Variants in SLC24A2 observed in about 807,000 individuals in gnomAD.
The protein encoded by SLC24A2 is solute carrier family 24 member 2.
SLC24A2 carries 36 observed loss-of-function variants against 62.0 expected under a neutral mutation model. The observed-to-expected ratio is 0.58, with a 90% CI of 0.44 to 0.77. The LOEUF is 0.77. SLC24A2 is among the 30% of genes least tolerant of loss of function. The pLI is 0.00. For missense variants in SLC24A2, 846 were observed against 817.9 expected (o/e 1.03, Z -0.42); for synonymous variants, 358 against 294.0 (o/e 1.22, Z -2.23).
rs547801449 is a variant in SLC24A2, at chr9:19,709,503, C to T, written c.930+76434G>A. Reference sequence around the variant, plus strand: ...CACAATAGCAAAGACTTGGAACCAACCCAAATGTCCAACAACGATAGACTG... The same window carrying T: ...CACAATAGCAAAGACTTGGAACCAATCCAAATGTCCAACAACGATAGACTG... On this transcript the variant is annotated intron_variant, in intron 2 of 10. Transcript: ENST00000341998. 2.6e-5 allele frequency among the ~76,000 whole-genome samples: 4 copies of T among 152,098 alleles called. No homozygotes were observed. The East Asian group carries it at 7.7e-4, about 29-fold the overall frequency.
the SLC24A2 span, among the ~76,000 whole-genome samples, chr9:19,794,212 A>G: frequency 1.3e-5 from 2 of 152,180 alleles, no homozygotes; most frequent in Non-Finnish European, 2.9e-5. Context: ...TTATTTTTAC[A>G]TTAGGAACGG....
At chr9:19,897,485 T>A in the SLC24A2 span, among the ~76,000 whole-genome samples, 1 of 152,156 alleles carries the variant, frequency 6.6e-6, no homozygotes, top group East Asian at 1.9e-4. Context: ...TAGATGTATA[T>A]GTCAATATAT....
chr9:19,887,431 A>G, the SLC24A2 span, among the ~76,000 whole-genome samples: 1 of 152,180 alleles, frequency 6.6e-6, no homozygotes, highest in African/African-American at 2.4e-5. Flanking sequence ...ATGCAAATGG[A>G]CAACAAACAT....
chr9:19,897,829 T>C, the SLC24A2 span, among the ~76,000 whole-genome samples: 1 of 152,210 alleles, frequency 6.6e-6, no homozygotes, highest in Non-Finnish European at 1.5e-5. Context: ...GAAATCCAAA[T>C]CTTTACGATA....
At chr9:19,534,714 C>A (rs200337814) in intron 8 of SLC24A2, among the ~76,000 whole-genome samples, 3 of 152,116 alleles carry the variant, frequency 2.0e-5, no homozygotes, top group Non-Finnish European at 4.4e-5. Flanking sequence ...CTGCATAATA[C>A]TCCATGGTGT....
chr9:19,985,837 G>A, the SLC24A2 span, among the ~76,000 whole-genome samples: 1 of 152,070 alleles, frequency 6.6e-6, no homozygotes, highest in East Asian at 1.9e-4. Flanking sequence ...GGGAAAATAG[G>A]GGTAAATCTT....
At chr9:20,208,677 A>G in the SLC24A2 span, among the ~76,000 whole-genome samples, 1 of 152,234 alleles carries the variant, frequency 6.6e-6, no homozygotes, top group Non-Finnish European at 1.5e-5. Context: ...AATAAAGGAA[A>G]AAATAGCCCA....
chr9:19,719,581 A>G (rs547204521), intron 2 of SLC24A2, among the ~76,000 whole-genome samples: 1 of 152,310 alleles, frequency 6.6e-6, no homozygotes, highest in African/African-American at 2.4e-5. Flanking sequence ...GGGCCCAGAA[A>G]GTTGAGATGC....
At chr9:20,270,127 G>A in the SLC24A2 span, among the ~76,000 whole-genome samples, 5 of 152,250 alleles carry the variant, frequency 3.3e-5, no homozygotes, top group Admixed American at 6.5e-5. Context: ...ATCCAGTCTT[G>A]TCAGAGAGCG....
At chr9:20,276,127 T>C in the SLC24A2 span, among the ~76,000 whole-genome samples, 1 of 152,092 alleles carries the variant, frequency 6.6e-6, no homozygotes, top group Admixed American at 6.6e-5. Flanking sequence ...TCCCCCAAAG[T>C]CTTAACTCAT....
chr9:20,012,618 G>A, the SLC24A2 span, among the ~76,000 whole-genome samples: 1 of 152,086 alleles, frequency 6.6e-6, no homozygotes, highest in African/African-American at 2.4e-5. Flanking sequence ...ATGATGACAT[G>A]ATCTTATATA....
chr9:20,210,869 G>A, the SLC24A2 span, among the ~76,000 whole-genome samples: 17 of 151,390 alleles, frequency 1.1e-4, no homozygotes, highest in African/African-American at 4.1e-4. Flanking sequence ...AGAGGGGAGA[G>A]GAAGAGAAAT....
At chr9:19,848,228 G>A in the SLC24A2 span, among the ~76,000 whole-genome samples, 3 of 152,116 alleles carry the variant, frequency 2.0e-5, no homozygotes, top group Non-Finnish European at 2.9e-5. Flanking sequence ...TTTCTGTTTT[G>A]TTTTGTTTTT....
chr9:19,937,970 TGAAAA>T, the SLC24A2 span, among the ~76,000 whole-genome samples: 1 of 151,878 alleles, frequency 6.6e-6, no homozygotes, highest in Non-Finnish European at 1.5e-5. Context: ...TGAAAATACA[TGAAAA>T]GAAGAAAACA....
At chr9:19,715,842 A>T (rs1195321167) in intron 2 of SLC24A2, among the ~76,000 whole-genome samples, 1 of 152,216 alleles carries the variant, frequency 6.6e-6, no homozygotes, top group Non-Finnish European at 1.5e-5. Flanking sequence ...AACTAATACA[A>T]ATCTGTTGTT....
At chr9:20,184,069 A>G in the SLC24A2 span, among the ~76,000 whole-genome samples, 1 of 152,360 alleles carries the variant, frequency 6.6e-6, no homozygotes, top group South Asian at 2.1e-4. Context: ...CTACTCAATG[A>G]TAAGAAAACA....
At chr9:19,814,182 T>C in the SLC24A2 span, among the ~76,000 whole-genome samples, 1 of 152,196 alleles carries the variant, frequency 6.6e-6, no homozygotes, top group Non-Finnish European at 1.5e-5. Flanking sequence ...TATAATATGG[T>C]CATATCTCAC....
chr9:19,756,399 C>A (rs576742909), intron 2 of SLC24A2, among the ~76,000 whole-genome samples: 1 of 152,268 alleles, frequency 6.6e-6, no homozygotes, highest in South Asian at 2.1e-4. Context: ...TGTGGTGATT[C>A]TTTGCAAATA....
At chr9:20,226,380 G>C in the SLC24A2 span, among the ~76,000 whole-genome samples, 135 of 152,212 alleles carry the variant, frequency 8.9e-4, 1 homozygote, top group Non-Finnish European at 1.4e-3. Context: ...GGCCATGTAC[G>C]TATAAAGAGA....
Sources: gnomAD v4.1 joint callset for allele counts (sites outside exome capture counted in the v4.1 genomes callset) on GRCh38, gnomAD v4.1.1 for gene constraint, MANE v1.5 for transcripts, NCBI Gene and HGNC (gene_info 2026-07-23, HGNC 2026-07-21) for gene names.